The following ZC3HAV1 variants were observed in gnomAD, a reference collection of about 807,000 sequenced individuals.
ZC3HAV1 encodes the protein zinc finger CCCH-type containing, antiviral 1.
A neutral mutation model predicts 86.6 loss-of-function variants in ZC3HAV1; 41 were observed. The observed-to-expected ratio is 0.47, with a 90% CI of 0.37 to 0.61. The LOEUF is 0.61. Ranked by LOEUF, ZC3HAV1 falls within the 20% of genes least tolerant of loss-of-function variation. The pLI, the probability that ZC3HAV1 is intolerant of heterozygous loss-of-function variation, is 0.00. For synonymous variants in ZC3HAV1, 421 were observed against 432.1 expected (o/e 0.97, Z 0.32); for missense variants, 964 against 1,141.1 (o/e 0.84, Z 2.24).
intron 8 of ZC3HAV1, 40 bp downstream of exon 8, chr7:139,064,839 A>T (rs1816550374): frequency 6.2e-7 from 1 of 1,613,824 alleles, no homozygotes; most frequent in Non-Finnish European, 8.5e-7. Flanking sequence ...CTGCAGGCGG[A>T]TTTCAATGAC....
At chr7:139,063,049 A>G (rs1816494497) in intron 8 of ZC3HAV1, among the ~76,000 whole-genome samples, 1 of 146,980 alleles carries the variant, frequency 6.8e-6, no homozygotes, top group African/African-American at 2.6e-5. Flanking sequence ...AAAAAAAAAA[A>G]AAGAAAGAAA....
chr7:139,067,732 A>G (rs1030274723), intron 7 of ZC3HAV1, among the ~76,000 whole-genome samples: 1 of 152,248 alleles, frequency 6.6e-6, no homozygotes, highest in African/African-American at 2.4e-5. Flanking sequence ...CAAAAAGACC[A>G]ACAGGAGAAA....
rs564841839 is a variant in ZC3HAV1, at chr7:139,099,797, C to T, written c.308+9227G>A. Among the ~76,000 whole-genome samples, 35 of 152,130 alleles carry T rather than the reference C, an allele frequency of 2.3e-4. 1 individual carries two copies. The highest frequency in any genetic ancestry group is 7.2e-4 in the Admixed American group (11 of 15,270). ...CAAAAATTAGCCAGGCATGGTGGCG[C>T]GTGCCTGTAATCCCAGCTACTTGGG... On this transcript the variant is annotated intron_variant, in intron 1 of 12. Transcript: ENST00000242351.
At chr7:139,070,593 G>A (rs1215824176) in intron 7 of ZC3HAV1, among the ~76,000 whole-genome samples, 1 of 151,564 alleles carries the variant, frequency 6.6e-6, no homozygotes, top group East Asian at 1.9e-4. Context: ...GAACACGGGA[G>A]GCGGGGCTTG....
At chr7:139,107,181 C>T in intron 1 of ZC3HAV1, among the ~76,000 whole-genome samples, 1 of 152,134 alleles carries the variant, frequency 6.6e-6, no homozygotes, top group East Asian at 1.9e-4. Flanking sequence ...TATCCTCCAC[C>T]CTCTGCTCTC....
At chr7:139,060,668 C>T (rs1489229115) in intron 9 of ZC3HAV1, 1 of 1,066,396 alleles carries the variant, frequency 9.4e-7, no homozygotes, top group Non-Finnish European at 1.1e-6. Context: ...AAGTGAGACC[C>T]CCTCTAAAAA....
At chr7:139,061,172 A>C (rs757672988) in intron 8 of ZC3HAV1, 34 bp from the exon 9 acceptor site, 2 of 1,597,126 alleles carry the variant, frequency 1.3e-6, no homozygotes, top group Admixed American at 3.4e-5. Flanking sequence ...AGCAGTGAGA[A>C]TCAAGATCAG....
chr7:139,060,927 A>T (rs1816425082), intron 9 of ZC3HAV1, 109 bp downstream of exon 9: 2 of 1,597,336 alleles, frequency 1.3e-6, no homozygotes, highest in Non-Finnish European at 1.7e-6. Context: ...GAGTAATGCA[A>T]ACAGGAACTT....
At chr7:139,090,107 G>C (rs1043144723) in intron 1 of ZC3HAV1, among the ~76,000 whole-genome samples, 1 of 151,860 alleles carries the variant, frequency 6.6e-6, no homozygotes, top group Non-Finnish European at 1.5e-5. Flanking sequence ...TTTTAGTAGA[G>C]ACGGGGTTTC....
intron 11 of ZC3HAV1, 117 bp downstream of exon 11, chr7:139,053,848 G>C: frequency 9.0e-7 from 1 of 1,113,950 alleles, no homozygotes; most frequent in Non-Finnish European, 1.2e-6. Context: ...AAAAAGACTA[G>C]CGCCTAAAGG....
chr7:139,060,469 G>T, intron 9 of ZC3HAV1: 1 of 992,292 alleles, frequency 1.0e-6, no homozygotes, highest in Non-Finnish European at 1.2e-6. Flanking sequence ...CTAACAGCTA[G>T]CTCATCCCTT....
At chr7:139,055,536 A>AAAATGT (rs1816258977) in intron 9 of ZC3HAV1, among the ~76,000 whole-genome samples, 1 of 152,256 alleles carries the variant, frequency 6.6e-6, no homozygotes, top group African/African-American at 2.4e-5. Flanking sequence ...CTATTGACTT[A>AAAATGT]AAATGTAAAA....
At position 139,109,259 on chromosome 7, in the gene ZC3HAV1, C is replaced by A. The variant is rs1238185422; in HGVS notation, c.73G>T (p.Ala25Ser). The A allele has an allele frequency of 6.2e-7, 1 of 1,612,106 alleles. No homozygotes were observed. Among genetic ancestry groups the A allele is most frequent in the East Asian group, 2.2e-5 (1 of 44,846 alleles). Residue 25 changes from alanine (A) to serine (S), a missense_variant, in exon 1 of 13, where the codon GCG becomes TCG. Coordinates refer to ENST00000242351, the MANE Select transcript of ZC3HAV1 (RefSeq NM_020119.4). The stretch of plus-strand genomic sequence containing the variant: ...GACAGCGCGATCTCCTGGAGCAGCG[C>A]GTCCAGGGCCATGCGGCCCCCGTGG... ...CAHGGRMALD[A>S]LLQEIALSEP... is the part of the protein sequence containing the mutation.
chr7:139,078,524 C>T, intron 5 of ZC3HAV1, 28 bp downstream of exon 5: 1 of 1,542,166 alleles, frequency 6.5e-7, no homozygotes, highest in Non-Finnish European at 8.8e-7. Flanking sequence ...AAGGTGGAAG[C>T]TTACAGAAAA....
At chr7:139,067,667 T>A (rs1426085865) in intron 7 of ZC3HAV1, among the ~76,000 whole-genome samples, 3 of 152,142 alleles carry the variant, frequency 2.0e-5, no homozygotes, top group Non-Finnish European at 4.4e-5. Context: ...TACTAGGTAA[T>A]CTATGCATGT....
chr7:139,077,861 C>T (rs1476298384), intron 5 of ZC3HAV1, among the ~76,000 whole-genome samples: 1 of 152,142 alleles, frequency 6.6e-6, no homozygotes, highest in Non-Finnish European at 1.5e-5. Context: ...CATAGAGTGG[C>T]CCTACTTGAG....
At chr7:139,063,027 C>CAAAAAA (rs58859916) in intron 8 of ZC3HAV1, among the ~76,000 whole-genome samples, 28 of 68,038 alleles carry the variant, frequency 4.1e-4, no homozygotes, top group Non-Finnish European at 5.6e-4. Flanking sequence ...GACTCTGTCT[C>CAAAAAA]AAAAAAAAAA....
intron 1 of ZC3HAV1, among the ~76,000 whole-genome samples, chr7:139,105,761 T>C (rs1817915993): frequency 6.6e-6 from 1 of 152,212 alleles, no homozygotes; most frequent in Non-Finnish European, 1.5e-5. Flanking sequence ...TATCAATTAG[T>C]TAACAGACCC....
chr7:139,051,733 T>G (rs1816130566), intron 12 of ZC3HAV1, among the ~76,000 whole-genome samples: 2 of 152,230 alleles, frequency 1.3e-5, no homozygotes, highest in African/African-American at 4.8e-5. Flanking sequence ...CACAGTCATT[T>G]AATTAATTAT....
Sources: allele counts gnomAD v4.1 joint callset (sites outside exome capture counted in the v4.1 genomes callset), GRCh38; gene constraint gnomAD v4.1.1; transcripts MANE v1.5; gene names NCBI Gene and HGNC (gene_info 2026-07-23, HGNC 2026-07-21).